Variants in FRMPD3 observed in about 807,000 individuals in gnomAD.
The protein encoded by FRMPD3 is FERM and PDZ domain-containing protein 3.
In FRMPD3, 42 loss-of-function variants were observed where a neutral mutation model predicts 97.9. The ratio of observed to expected loss-of-function variants is 0.43; its 90% CI spans 0.34 to 0.55. The LOEUF is 0.55. FRMPD3 is among the 20% of genes least tolerant of loss of function. FRMPD3 has a pLI of 0.03. For synonymous variants in FRMPD3, 577 were observed against 581.1 expected (o/e 0.99, Z 0.10); for missense variants, 1,303 against 1,457.7 (o/e 0.89, Z 1.73).
intron 5 of FRMPD3, among the ~76,000 whole-genome samples, chrX:107,549,132 C>T (rs1453007760): frequency 9.1e-6 from 1 of 110,095 alleles, no homozygotes; most frequent in African/African-American, 3.3e-5. Context: ...CAATCAGAGT[C>T]AGTACCTCCC....
intron 12 of FRMPD3, among the ~76,000 whole-genome samples, chrX:107,568,406 T>G (rs1922704205): frequency 1.3e-5 from 1 of 74,793 alleles, no homozygotes; most frequent in Non-Finnish European, 2.4e-5. Flanking sequence ...TCCTCCAGAA[T>G]TTTTTGTTTT....
chrX:107,572,652 C>T (rs925544124), intron 12 of FRMPD3, among the ~76,000 whole-genome samples: 3 of 110,239 alleles, frequency 2.7e-5, no homozygotes, highest in Non-Finnish European at 5.7e-5. Context: ...ACAGGAGAAT[C>T]GCTTGAACCC....
intron 1 of FRMPD3, among the ~76,000 whole-genome samples, chrX:107,476,311 C>G (rs1231017125): frequency 8.9e-6 from 1 of 112,646 alleles, no homozygotes; most frequent in African/African-American, 3.2e-5. Context: ...TATTCTTTGC[C>G]TCTTTCTCCA....
chrX:107,518,589 G>A (rs1922414158), intron 1 of FRMPD3, among the ~76,000 whole-genome samples: 1 of 112,227 alleles, frequency 8.9e-6, no homozygotes, highest in Admixed American at 9.4e-5. Context: ...AATAAGTATT[G>A]GAATGTTGGC....
At chrX:107,542,330 C>T (rs1026053842) in intron 4 of FRMPD3, among the ~76,000 whole-genome samples, 2 of 112,325 alleles carry the variant, frequency 1.8e-5, no homozygotes, top group East Asian at 5.6e-4. Flanking sequence ...CTGCTGCCAA[C>T]AAATTGCCCC....
At chrX:107,531,257 A>T (rs1466884716) in intron 3 of FRMPD3, among the ~76,000 whole-genome samples, 1 of 110,123 alleles carries the variant, frequency 9.1e-6, no homozygotes, top group Non-Finnish European at 1.9e-5. Context: ...GCATGGGCTA[A>T]CCTCAGTTTG....
chrX:107,502,351 G>A (rs1409888661), intron 1 of FRMPD3, among the ~76,000 whole-genome samples: 1 of 111,301 alleles, frequency 9.0e-6, no homozygotes. Flanking sequence ...TACCCCAGGT[G>A]GGCCTGGGGG....
intron 1 of FRMPD3, among the ~76,000 whole-genome samples, chrX:107,515,747 G>A (rs1478956649): frequency 9.0e-6 from 1 of 111,331 alleles, no homozygotes; most frequent in Admixed American, 9.5e-5. Flanking sequence ...ATTCTGGAGC[G>A]GTGGAGAGAT....
intron 6 of FRMPD3, 71 bp downstream of exon 6, chrX:107,550,227 C>T (rs1025214689): frequency 1.2e-4 from 84 of 717,885 alleles, no homozygotes; most frequent in African/African-American, 3.4e-4. Context: ...GTCCTGTGTT[C>T]CTCTGAGTCT....
chrX:107,506,751 C>T (rs748977813), intron 1 of FRMPD3, among the ~76,000 whole-genome samples: 27 of 112,126 alleles, frequency 2.4e-4, no homozygotes, highest in Admixed American at 2.1e-3. Flanking sequence ...CAGCAGACGC[C>T]GTGTTTACAG....
At chrX:107,489,803 T>C (rs1921608152) in intron 1 of FRMPD3, among the ~76,000 whole-genome samples, 1 of 111,916 alleles carries the variant, frequency 8.9e-6, no homozygotes, top group South Asian at 3.7e-4. Context: ...TTCACTCTGA[T>C]GGTAGTTTCT....
At chrX:107,599,982 G>T (rs2147652042) in intron 14 of FRMPD3, among the ~76,000 whole-genome samples, 1 of 111,955 alleles carries the variant, frequency 8.9e-6, no homozygotes, top group Non-Finnish European at 1.9e-5. Flanking sequence ...TTGAAAAAAA[G>T]AAATATGTCT....
intron 5 of FRMPD3, among the ~76,000 whole-genome samples, chrX:107,547,727 A>G (rs1344581920): frequency 8.9e-6 from 1 of 111,746 alleles, no homozygotes; most frequent in Admixed American, 9.5e-5. Flanking sequence ...TCCAGGCCCA[A>G]GTGACTCCAG....
intron 1 of FRMPD3, among the ~76,000 whole-genome samples, chrX:107,492,102 T>C (rs1321652655): frequency 8.9e-6 from 1 of 111,841 alleles, no homozygotes; most frequent in Non-Finnish European, 1.9e-5. Context: ...AATGCCAGGC[T>C]CCTCTCTGCT....
intron 2 of FRMPD3, among the ~76,000 whole-genome samples, chrX:107,529,829 C>T (rs1187702852): frequency 8.9e-6 from 1 of 111,822 alleles, no homozygotes; most frequent in Non-Finnish European, 1.9e-5. Context: ...TTTCGCCTGA[C>T]CACCTCCAGT....
In FRMPD3 at chrX:107,496,334, G is replaced by C. The variant is rs184581429; in HGVS notation, c.-7-30248G>C. On this transcript the variant is annotated intron_variant, in intron 1 of 14. Transcript: ENST00000683843. ...GCTGGGAGTCAAAGAAGGTGGGTTG[G>C]AGCCTGGGTACATAGGGGCCTGGGC... Among the ~76,000 whole-genome samples, 6 of 111,222 alleles carry C rather than the reference G, an allele frequency of 5.4e-5. No individual in the cohort carries two copies. In the Admixed American group the frequency reaches 5.8e-4, roughly 11 times the overall value.
rs61184704 is a variant in FRMPD3, at chrX:107,597,838, G to A, written c.1959G>A (p.Glu653=). The change falls in exon 14 of 15, where the codon GAG becomes GAA. Residue 653 remains glutamate (E), a synonymous_variant. Coordinates refer to ENST00000683843, the MANE Select transcript of FRMPD3 (RefSeq NM_001388459.1). ...SLPPPGSEEE[E]EEEDETTSLL... is the part of the protein sequence containing the mutation. ...CACCACCTGGGAGTGAGGAGGAGGA[G>A]GAGGAGGAAGATGAGACAACTTCTC... 37,159 of 1,188,042 alleles carry A rather than the reference G, an allele frequency of 0.031. 4,319 individuals are homozygous for A. The African/African-American group carries it at 0.43, about 14-fold the overall frequency.
Position 107,600,604 on chromosome X carries a change from C to A in FRMPD3, c.2565C>A (p.Gly855=). 8.3e-7 allele frequency: 1 copy of A among 1,209,903 alleles called. No homozygotes were observed. Among genetic ancestry groups the A allele is most frequent in the Non-Finnish European group, 1.1e-6 (1 of 894,912 alleles). Residue 855 remains glycine (G), a synonymous_variant, in exon 15 of 15, where the codon GGC becomes GGA. Coordinates refer to ENST00000683843, the MANE Select transcript of FRMPD3 (RefSeq NM_001388459.1). ...IATGQSPGPP[G]ARRKLPQSEG... is the part of the protein sequence containing the mutation. ...CAGGCCAGAGTCCTGGCCCCCCTGG[C>A]GCTCGGAGGAAGCTGCCCCAGTCAG...
intron 1 of FRMPD3, among the ~76,000 whole-genome samples, chrX:107,513,956 A>G (rs1054624550): frequency 3.6e-5 from 4 of 112,313 alleles, no homozygotes; most frequent in Non-Finnish European, 7.5e-5. Flanking sequence ...CTGCAGAATG[A>G]AATGAACAGG....
Sources: allele counts gnomAD v4.1 joint callset (sites outside exome capture counted in the v4.1 genomes callset), GRCh38; gene constraint gnomAD v4.1.1; transcripts MANE v1.5; gene names NCBI Gene and HGNC (gene_info 2026-07-23, HGNC 2026-07-21).